MACF1: variants seen among roughly 807,000 people sequenced by gnomAD.
MACF1 encodes microtubule-actin cross-linking factor 1.
Under a neutral mutation model 854.8 loss-of-function variants are expected in MACF1, and 193 were observed. The observed-to-expected ratio is 0.23, with a 90% CI of 0.20 to 0.25. The LOEUF is 0.25. Among genes scored for constraint, MACF1 ranks in the 10% least tolerant of loss-of-function variants. The probability of loss-of-function intolerance (pLI) is 1.00; values close to 1 mark genes in which losing one functional copy is unlikely to be tolerated. For synonymous variants in MACF1, 3,185 were observed against 3,226.7 expected, an observed-to-expected ratio of 0.99 and a Z score of 0.44; for missense variants, 7,722 against 8,929.1, an observed-to-expected ratio of 0.86 and a Z score of 5.45.
chr1:39,187,335 CAT>C (rs995317508), intron 2 of MACF1, among the ~76,000 whole-genome samples: 3 of 152,162 alleles, frequency 2.0e-5, no homozygotes, highest in Non-Finnish European at 4.4e-5. Context: ...TATGTTGAAA[CAT>C]ATCAAATAAT....
At chr1:39,475,193 T>C (rs563016143) in intron 97 of MACF1, among the ~76,000 whole-genome samples, 1 of 152,302 alleles carries the variant, frequency 6.6e-6, no homozygotes, top group Non-Finnish European at 1.5e-5. Context: ...ACCAAACCCC[T>C]TTTGTAGGAA....
At chr1:39,461,276 T>C (rs1475863037) in intron 92 of MACF1, among the ~76,000 whole-genome samples, 2 of 152,172 alleles carry the variant, frequency 1.3e-5, no homozygotes, top group Admixed American at 6.5e-5. Context: ...ACTGTCACTA[T>C]TCTGAAATAA....
chr1:39,192,050 CTG>C (rs908990127), intron 2 of MACF1, among the ~76,000 whole-genome samples: 3 of 152,100 alleles, frequency 2.0e-5, no homozygotes, highest in African/African-American at 7.2e-5. Context: ...ACTCAGGAGA[CTG>C]AGGCACAAGA....
chr1:39,128,186 A>G (rs1642909589), intron 2 of MACF1, among the ~76,000 whole-genome samples: 1 of 151,566 alleles, frequency 6.6e-6, no homozygotes, highest in Admixed American at 6.6e-5. Flanking sequence ...TATTTTTATT[A>G]CCATACATCT....
intron 6 of MACF1, chr1:39,269,228 G>T (rs1441571477): frequency 7.8e-7 from 1 of 1,289,984 alleles, no homozygotes; most frequent in Admixed American, 2.3e-5. Context: ...GCAGGGCTGT[G>T]TTGCTGCCTT....
intron 2 of MACF1, among the ~76,000 whole-genome samples, chr1:39,237,874 T>C (rs957405069): frequency 4.6e-5 from 7 of 152,168 alleles, no homozygotes; most frequent in Non-Finnish European, 1.0e-4. Context: ...AAAAAAATTT[T>C]AATGAAAACG....
chr1:39,456,858 G>GT, intron 89 of MACF1: 1 of 152,358 alleles, frequency 6.6e-6, no homozygotes, highest in South Asian at 2.1e-4. Context: ...ATCCAACAGA[G>GT]TTTTTTCAGT....
chr1:39,370,252 C>T (rs1649109170), intron 51 of MACF1, 66 bp downstream of exon 51: 2 of 1,387,638 alleles, frequency 1.4e-6, no homozygotes, highest in East Asian at 4.9e-5. Flanking sequence ...ATTAACTGGT[C>T]TCCAGCTGTG....
Position 39,418,319 on chromosome 1 carries a change from T to C in MACF1, c.15817-4055T>C, listed in dbSNP as rs189476130. ...TGGTTCATTTTTTTGCATGGAGATA[T>C]TAAAAAAGCAGTTGGATACGTAGCT... On this transcript the variant is annotated intron_variant, in intron 58 of 100. Coordinates refer to ENST00000564288, the MANE Select transcript of MACF1 (RefSeq NM_001394062.1). Among the ~76,000 whole-genome samples the C allele has an allele frequency of 5.9e-5, 9 of 152,294 alleles. No homozygotes were observed. The South Asian group carries it at 6.2e-4, about 11-fold the overall frequency.
Position 39,310,402 on chromosome 1 carries a change from A to G in MACF1, c.3074A>G (p.Gln1025Arg), listed in dbSNP as rs145898034. The G allele has an allele frequency of 6.8e-6, 11 of 1,614,068 alleles. No homozygotes were observed. Among genetic ancestry groups the G allele is most frequent in the Middle Eastern group, 1.6e-4 (1 of 6,078 alleles). The change falls in exon 25 of 101, where the codon CAG becomes CGG. Residue 1025 changes from glutamine to arginine, a missense_variant. Gln to Arg is a conservative substitution (Grantham distance 43). Around this residue, in one of 15 missense-constraint regions of MACF1, gnomAD observed 1,137 missense variants for 1,263.0 expected, o/e 0.90. Transcript: ENST00000564288. ...GTGGAAGCTTGTAAAGCCCGCTTCC[A>G]GCACCTGATGAAGTCCATGGAGAAT... ...EEVEACKARF[Q>R]HLMKSMENED...
intron 17 of MACF1, 124 bp from the exon 18 acceptor site, chr1:39,293,334 G>A (rs182391852): frequency 1.5e-4 from 141 of 911,658 alleles, no homozygotes; most frequent in Middle Eastern, 1.2e-3. Context: ...GAATCCATGG[G>A]GAAAAATCCA....
intron 58 of MACF1, among the ~76,000 whole-genome samples, chr1:39,415,429 G>A (rs1026028075): frequency 1.3e-5 from 2 of 150,658 alleles, no homozygotes; most frequent in Non-Finnish European, 3.0e-5. Flanking sequence ...TCCACCTCCC[G>A]GGTTCACGCC....
chr1:39,369,972 G>T, intron 50 of MACF1, 58 bp from the exon 51 acceptor site: 1 of 1,516,666 alleles, frequency 6.6e-7, no homozygotes, highest in Non-Finnish European at 9.0e-7. Context: ...ACTACTCTTA[G>T]CTCAAGTTGA....
intron 80 of MACF1, among the ~76,000 whole-genome samples, chr1:39,447,104 G>A (rs1178391456): frequency 6.6e-6 from 1 of 152,282 alleles, no homozygotes; most frequent in Non-Finnish European, 1.5e-5. Context: ...TCCTGCAGCT[G>A]TCACCACTAA....
At chr1:39,221,748 T>G (rs1644655039) in intron 1 of MACF1, among the ~76,000 whole-genome samples, 1 of 152,224 alleles carries the variant, frequency 6.6e-6, no homozygotes, top group Non-Finnish European at 1.5e-5. Flanking sequence ...TTTACTTTCC[T>G]GCTGCCTCTG....
intron 2 of MACF1, among the ~76,000 whole-genome samples, chr1:39,133,040 C>T (rs1035015556): frequency 5.9e-5 from 9 of 152,328 alleles, no homozygotes; most frequent in African/African-American, 1.9e-4. Flanking sequence ...TGCCTAAATC[C>T]GCTGGAGAGC....
chr1:39,181,602 AC>A (rs1252734755), intron 2 of MACF1, among the ~76,000 whole-genome samples: 1 of 152,188 alleles, frequency 6.6e-6, no homozygotes, highest in African/African-American at 2.4e-5. Context: ...AATAGTCAAA[AC>A]AATCTTGAAA....
At chr1:39,412,318 G>A (rs1291111349) in intron 58 of MACF1, 1 of 1,614,040 alleles carries the variant, frequency 6.2e-7, no homozygotes, top group Non-Finnish European at 8.5e-7. Flanking sequence ...AATTCATTTG[G>A]AAAGTGGGAA....
intron 2 of MACF1, among the ~76,000 whole-genome samples, chr1:39,124,644 T>C (rs1056258485): frequency 6.6e-6 from 1 of 152,212 alleles, no homozygotes; most frequent in Non-Finnish European, 1.5e-5. Flanking sequence ...AAAGCTGTAT[T>C]GTGTGTGTAC....
Sources: allele counts gnomAD v4.1 joint callset (sites outside exome capture counted in the v4.1 genomes callset), GRCh38; gene constraint gnomAD v4.1.1; regional missense constraint gnomAD v4.1.1; transcripts MANE v1.5; gene names NCBI Gene and HGNC (gene_info 2026-07-23, HGNC 2026-07-21).